SIPA1L1: variants seen among roughly 807,000 people sequenced by gnomAD.
SIPA1L1 encodes the protein signal-induced proliferation-associated 1-like protein 1.
Under a neutral mutation model 162.7 loss-of-function variants are expected in SIPA1L1, and 26 were observed. The ratio of observed to expected loss-of-function variants is 0.16; its 90% CI spans 0.12 to 0.22. The LOEUF (loss-of-function observed/expected upper bound fraction) is 0.22, where lower values mean the gene tolerates loss of function less well. SIPA1L1 is among the 10% of genes least tolerant of loss of function. The pLI, the probability that SIPA1L1 is intolerant of heterozygous loss-of-function variation, is 1.00. For synonymous variants in SIPA1L1, 829 were observed against 837.4 expected (o/e 0.99, Z 0.17); for missense variants, 1,874 against 2,241.0 (o/e 0.84, Z 3.31).
At chr14:71,518,065 C>T (rs1335951403) in intron 3 of SIPA1L1, among the ~76,000 whole-genome samples, 1 of 152,074 alleles carries the variant, frequency 6.6e-6, no homozygotes, top group Non-Finnish European at 1.5e-5. Context: ...GGGTGAATCA[C>T]TTGAGCTCAG....
intron 17 of SIPA1L1, among the ~76,000 whole-genome samples, chr14:71,717,206 A>G (rs1045269182): frequency 3.9e-5 from 6 of 152,226 alleles, no homozygotes; most frequent in African/African-American, 1.4e-4. Context: ...CCTCTTTTAT[A>G]TGGGGTATCA....
chr14:71,684,037 G>T (rs1222208161), intron 12 of SIPA1L1, among the ~76,000 whole-genome samples: 1 of 152,212 alleles, frequency 6.6e-6, no homozygotes, highest in Non-Finnish European at 1.5e-5. Flanking sequence ...ATAGAGTGGA[G>T]CCTTGGGCGG....
rs1378206018 is a variant in SIPA1L1, at chr14:71,739,004, A to C, written c.5209-14A>C. On this transcript the variant is annotated splice_polypyrimidine_tract_variant and intron_variant, in intron 23 of 23. Transcript: ENST00000381232. ...CAACACCTCTTAGCTTTTCTACTTC[A>C]CTCTGCCTCCCAGGAAAAAGAAGAC... is the stretch of plus-strand genomic sequence containing the variant. 1 of 1,611,588 alleles carries C rather than the reference A, an allele frequency of 6.2e-7. No homozygotes were observed. Among genetic ancestry groups the C allele is most frequent in the Non-Finnish European group, 8.5e-7 (1 of 1,178,828 alleles).
intron 2 of SIPA1L1, among the ~76,000 whole-genome samples, chr14:71,349,252 C>T (rs1039624812): frequency 2.0e-5 from 3 of 152,158 alleles, no homozygotes; most frequent in Non-Finnish European, 4.4e-5. Context: ...CAAGGCCTGT[C>T]CAGATTCTTC....
At chr14:71,568,303 TC>T (rs1479682086) in intron 4 of SIPA1L1, among the ~76,000 whole-genome samples, 3 of 152,006 alleles carry the variant, frequency 2.0e-5, no homozygotes, top group Non-Finnish European at 4.4e-5. Context: ...GGGACAAAAA[TC>T]CATCTTTTGT....
At chr14:71,544,192 C>CCT (rs1425678483) in intron 4 of SIPA1L1, among the ~76,000 whole-genome samples, 10 of 150,530 alleles carry the variant, frequency 6.6e-5, no homozygotes, top group African/African-American at 2.2e-4. Context: ...TGTATATATA[C>CCT]ATATGCATGT....
chr14:71,603,088 CT>C (rs757764274), intron 5 of SIPA1L1, among the ~76,000 whole-genome samples: 5 of 152,164 alleles, frequency 3.3e-5, no homozygotes, highest in African/African-American at 7.2e-5. Flanking sequence ...CTGAGTTGAT[CT>C]ATCTTATATA....
chr14:71,497,714 G>A (rs975040982), intron 2 of SIPA1L1: 1 of 152,200 alleles, frequency 6.6e-6, no homozygotes, highest in Non-Finnish European at 1.5e-5. Context: ...ATATTCCATT[G>A]TGTGGATATA....
intron 4 of SIPA1L1, among the ~76,000 whole-genome samples, chr14:71,577,279 G>A (rs1371254524): frequency 6.6e-6 from 1 of 152,034 alleles, no homozygotes; most frequent in Non-Finnish European, 1.5e-5. Context: ...GGCTATAAGG[G>A]AGCCTTTTTT....
At chr14:71,706,821 G>A (rs978155968) in intron 16 of SIPA1L1, among the ~76,000 whole-genome samples, 56 of 152,038 alleles carry the variant, frequency 3.7e-4, no homozygotes, top group Non-Finnish European at 6.5e-4. Flanking sequence ...ATCGCTTGAG[G>A]TCAGGAGTTT....
chr14:71,724,691 T>A lies in SIPA1L1; in HGVS notation c.4470T>A (p.Asn1490Lys), dbSNP rs1186963300. Reference protein sequence around the residue: ...DTRKRHQSDGNEIAHTRLRAS... With the variant: ...DTRKRHQSDGKEIAHTRLRAS... ...CCAGGCGTCATCAGAGCGATGGCAA[T>A]GAAATAGCCCACACCAGGCTGCGTG... The change falls in exon 19 of 24, where the codon AAT becomes AAA. Residue 1490 changes from asparagine to lysine, a missense_variant. Transcript: ENST00000381232. 6.2e-7 allele frequency: 1 copy of A among 1,613,474 alleles called. No homozygotes were observed. Among genetic ancestry groups the A allele is most frequent in the South Asian group, 1.1e-5 (1 of 90,944 alleles).
At chr14:71,538,894 GTTT>G (rs1027901829) in intron 4 of SIPA1L1, among the ~76,000 whole-genome samples, 6 of 152,296 alleles carry the variant, frequency 3.9e-5, no homozygotes, top group African/African-American at 1.4e-4. Flanking sequence ...TCTTCAGACT[GTTT>G]TTTGTTTGTT....
intron 17 of SIPA1L1, among the ~76,000 whole-genome samples, chr14:71,719,021 C>T (rs2083479985): frequency 6.6e-6 from 1 of 151,988 alleles, no homozygotes; most frequent in Admixed American, 6.5e-5. Flanking sequence ...TCACTGCAGC[C>T]TCAACTTCCT....
chr14:71,505,736 A>G (rs1024378371), intron 2 of SIPA1L1, among the ~76,000 whole-genome samples: 16 of 152,246 alleles, frequency 1.1e-4, no homozygotes, highest in Admixed American at 9.2e-4. Flanking sequence ...GAGCACCAAC[A>G]TGATGCCGCA....
chr14:71,655,174 A>G (rs903895382), intron 8 of SIPA1L1, among the ~76,000 whole-genome samples: 1 of 151,990 alleles, frequency 6.6e-6, no homozygotes, highest in African/African-American at 2.4e-5. Flanking sequence ...CTTTATGTTC[A>G]TGTGTACCCA....
intron 2 of SIPA1L1, among the ~76,000 whole-genome samples, chr14:71,322,051 A>T (rs1428453713): frequency 1.3e-5 from 2 of 152,226 alleles, no homozygotes; most frequent in South Asian, 2.1e-4. Flanking sequence ...TGAAATGCAT[A>T]CTACCTGTGA....
intron 7 of SIPA1L1, among the ~76,000 whole-genome samples, chr14:71,634,153 C>T (rs2040874587): frequency 6.6e-6 from 1 of 151,680 alleles, no homozygotes; most frequent in African/African-American, 2.4e-5. Context: ...GTAATCCCAG[C>T]ACTTTGGGAG....
intron 5 of SIPA1L1, among the ~76,000 whole-genome samples, chr14:71,606,294 A>G (rs1567298523): frequency 6.6e-6 from 1 of 152,062 alleles, no homozygotes; most frequent in Non-Finnish European, 1.5e-5. Flanking sequence ...GCATGTGAAA[A>G]TGGGTGATCT....
At chr14:71,468,004 G>GT (rs1302317157) in intron 2 of SIPA1L1, among the ~76,000 whole-genome samples, 2 of 123,016 alleles carry the variant, frequency 1.6e-5, no homozygotes, top group Admixed American at 8.9e-5. Flanking sequence ...GCAGTTAGAG[G>GT]GGTGTGTGTG....
Sources: gnomAD v4.1 joint callset for allele counts (sites outside exome capture counted in the v4.1 genomes callset) on GRCh38, gnomAD v4.1.1 for gene constraint, MANE v1.5 for transcripts, NCBI Gene and HGNC (gene_info 2026-07-23, HGNC 2026-07-21) for gene names.